The following CHN2 variants were observed in gnomAD, a reference collection of about 807,000 sequenced individuals.
CHN2 encodes chimerin 2, also known as beta-chimaerin.
In CHN2, 35 loss-of-function variants were observed where a neutral mutation model predicts 56.3. The ratio of observed to expected loss-of-function variants is 0.62; its 90% CI spans 0.47 to 0.82. The LOEUF (loss-of-function observed/expected upper bound fraction) is 0.82, where lower values mean the gene tolerates loss of function less well. Among genes scored for constraint, CHN2 ranks in the 40% least tolerant of loss-of-function variants. The probability of loss-of-function intolerance (pLI) is 0.00; values close to 1 mark genes in which losing one functional copy is unlikely to be tolerated. For missense variants in CHN2, 491 were observed against 580.5 expected (o/e 0.85, Z 1.58); for synonymous variants, 210 against 212.8 (o/e 0.99, Z 0.12).
chr7:29,298,447 G>A (rs567871214), intron 1 of CHN2, among the ~76,000 whole-genome samples: 16 of 152,268 alleles, frequency 1.1e-4, no homozygotes, highest in Middle Eastern at 3.4e-3. Context: ...GTGAAGCTGT[G>A]GAACTTAGTC....
chr7:29,267,539 G>A (rs552651515), intron 1 of CHN2, among the ~76,000 whole-genome samples: 28 of 152,114 alleles, frequency 1.8e-4, no homozygotes, highest in South Asian at 4.2e-4. Context: ...CACCATGCCC[G>A]GCCTAAGTGC....
intron 1 of CHN2, among the ~76,000 whole-genome samples, chr7:29,237,236 G>T (rs991650900): frequency 3.2e-4 from 48 of 152,166 alleles, no homozygotes; most frequent in African/African-American, 1.0e-3. Context: ...ATTAGAATTA[G>T]CAGTGTCTTA....
At chr7:29,417,577 C>T (rs889393900) in intron 6 of CHN2, among the ~76,000 whole-genome samples, 1 of 152,054 alleles carries the variant, frequency 6.6e-6, no homozygotes, top group African/African-American at 2.4e-5. Flanking sequence ...AGGCAGAAAA[C>T]CTAGAAGTTA....
intron 1 of CHN2, among the ~76,000 whole-genome samples, chr7:29,346,070 G>C (rs1204058851): frequency 6.6e-6 from 1 of 152,146 alleles, no homozygotes; most frequent in African/African-American, 2.4e-5. Context: ...TCTCAGGGGA[G>C]TGCAGGGAAC....
intron 1 of CHN2, among the ~76,000 whole-genome samples, chr7:29,215,279 A>G (rs1022390935): frequency 3.9e-5 from 6 of 152,212 alleles, no homozygotes; most frequent in African/African-American, 1.2e-4. Context: ...ACAGTGGCAC[A>G]GGTACAGCCC....
At chr7:29,497,237 A>C (rs573320481) in intron 8 of CHN2, among the ~76,000 whole-genome samples, 1 of 152,350 alleles carries the variant, frequency 6.6e-6, no homozygotes, top group East Asian at 1.9e-4. Flanking sequence ...GCCAGGAGCC[A>C]CAACGTATCT....
intron 1 of CHN2, among the ~76,000 whole-genome samples, chr7:29,331,079 C>T (rs900018713): frequency 2.0e-5 from 3 of 152,190 alleles, no homozygotes; most frequent in African/African-American, 7.2e-5. Flanking sequence ...ACGTATATGA[C>T]TCCAGTTTAT....
At chr7:29,317,355 G>A (rs1259394555) in intron 1 of CHN2, among the ~76,000 whole-genome samples, 1 of 152,332 alleles carries the variant, frequency 6.6e-6, no homozygotes, top group East Asian at 1.9e-4. Flanking sequence ...ATATGCGTCA[G>A]AATTGGGGAA....
intron 1 of CHN2, among the ~76,000 whole-genome samples, chr7:29,219,340 A>G (rs1457636547): frequency 2.0e-5 from 3 of 152,224 alleles, no homozygotes; most frequent in Non-Finnish European, 4.4e-5. Flanking sequence ...AAATAATAAT[A>G]TAAGAAGCTC....
rs763277656 is a variant in CHN2 at position 29,400,840 on chromosome 7, G to A, written c.576+12G>A. Reference sequence around the variant, plus strand: ...CAGCGGTGGAAAAGGTGAGCTGTGTGTGATGGAAGCAGCCTTTCGTTTTAA... The same window carrying A: ...CAGCGGTGGAAAAGGTGAGCTGTGTATGATGGAAGCAGCCTTTCGTTTTAA... On this transcript the variant is annotated intron_variant, in intron 6 of 12. Transcript: ENST00000222792. The A allele has an allele frequency of 5.6e-6, 9 of 1,610,494 alleles. No individual in the cohort carries two copies. The highest frequency in any genetic ancestry group is 7.6e-6 in the Non-Finnish European group (9 of 1,178,442).
chr7:29,195,129 A>G (rs1219179899), intron 1 of CHN2, 139 bp downstream of exon 1: 15 of 858,906 alleles, frequency 1.7e-5, no homozygotes, highest in Non-Finnish European at 2.5e-5. Context: ...CCGGGGTGAT[A>G]CTTGTTTGGT....
intron 1 of CHN2, among the ~76,000 whole-genome samples, chr7:29,316,245 C>G (rs1000441715): frequency 6.6e-6 from 1 of 152,164 alleles, no homozygotes; most frequent in Non-Finnish European, 1.5e-5. Context: ...TTTGAGCTTC[C>G]TGGTCATTTA....
intron 3 of CHN2, among the ~76,000 whole-genome samples, chr7:29,386,303 A>G (rs1176854646): frequency 4.0e-4 from 61 of 152,172 alleles, no homozygotes; most frequent in Non-Finnish European, 5.9e-5. Flanking sequence ...TTGTGGATGA[A>G]ATTGCCCCAG....
rs1427247560 is a variant in CHN2, at chr7:29,185,786, C to T, written c.274+38826C>T. 2.0e-5 allele frequency among the ~76,000 whole-genome samples: 3 copies of T among 152,294 alleles called. No homozygotes were observed. In the East Asian group the frequency reaches 5.8e-4, roughly 29 times the overall value. On this transcript the variant is annotated intron_variant, in intron 2 of 6. Transcript: ENST00000439384. ...TTATTATTCAAAATTATTCACATCACCTCCAAGCTTGTTGGAAATTCAGGG... is the reference window on the plus strand; with the variant it reads ...TTATTATTCAAAATTATTCACATCATCTCCAAGCTTGTTGGAAATTCAGGG...
At chr7:29,421,762 A>C (rs1406118648) in intron 6 of CHN2, among the ~76,000 whole-genome samples, 1 of 152,224 alleles carries the variant, frequency 6.6e-6, no homozygotes, top group Non-Finnish European at 1.5e-5. Context: ...TGTAAGTCAC[A>C]CAGGAAGGTG....
intron 1 of CHN2, among the ~76,000 whole-genome samples, chr7:29,252,176 G>A (rs1788601346): frequency 1.4e-5 from 2 of 141,448 alleles, no homozygotes; most frequent in African/African-American, 5.3e-5. Flanking sequence ...TACCACATAA[G>A]ATTATACAGG....
intron 4 of CHN2, among the ~76,000 whole-genome samples, 172 bp downstream of exon 4, chr7:29,393,882 C>A (rs959066786): frequency 1.7e-4 from 26 of 152,090 alleles, no homozygotes; most frequent in Non-Finnish European, 2.6e-4. Flanking sequence ...TTATAGTAGT[C>A]AAGTGCTTGG....
chr7:29,337,485 AG>A (rs1796715181), intron 1 of CHN2, among the ~76,000 whole-genome samples: 1 of 152,178 alleles, frequency 6.6e-6, no homozygotes, highest in East Asian at 1.9e-4. Flanking sequence ...GAGTGCGGAG[AG>A]GGGGTCTATT....
chr7:29,271,464 TGGGCTGGG>T (rs977112692), intron 1 of CHN2, among the ~76,000 whole-genome samples: 8 of 152,246 alleles, frequency 5.3e-5, no homozygotes, highest in Non-Finnish European at 1.0e-4. Context: ...AGACGCCCTC[TGGGCTGGG>T]TGTCTGTTTG....
Sources: gnomAD v4.1 joint callset for allele counts (sites outside exome capture counted in the v4.1 genomes callset) on GRCh38, gnomAD v4.1.1 for gene constraint, MANE v1.5 for transcripts, NCBI Gene and HGNC (gene_info 2026-07-23, HGNC 2026-07-21) for gene names.